ANO6: variants seen among roughly 807,000 people sequenced by gnomAD.
The protein encoded by ANO6 is anoctamin 6.
Under a neutral mutation model 117.5 loss-of-function variants are expected in ANO6, and 106 were observed. That is an observed-to-expected ratio of 0.90 (90% CI 0.77 to 1.06). The LOEUF (loss-of-function observed/expected upper bound fraction) is 1.06. Ranked by LOEUF, ANO6 falls within the 50% of genes least tolerant of loss-of-function variation. The probability of loss-of-function intolerance (pLI) is 0.00; values close to 1 mark genes in which losing one functional copy is unlikely to be tolerated. For synonymous variants in ANO6, 367 were observed against 385.1 expected, an observed-to-expected ratio of 0.95 and a Z score of 0.55; for missense variants, 955 against 1,121.1, an observed-to-expected ratio of 0.85 and a Z score of 2.12.
intron 8 of ANO6, among the ~76,000 whole-genome samples, chr12:45,358,889 AG>A (rs1941481039): frequency 6.6e-6 from 1 of 151,476 alleles, no homozygotes; most frequent in South Asian, 2.1e-4. Flanking sequence ...GGTCCAAGCG[AG>A]TCTCCTGCCT....
At chr12:45,304,423 A>G (rs1273097760) in intron 2 of ANO6, among the ~76,000 whole-genome samples, 2 of 152,220 alleles carry the variant, frequency 1.3e-5, no homozygotes, top group Non-Finnish European at 2.9e-5. Context: ...GAGAGCAGAA[A>G]GAACCCAAAG....
At chr12:45,335,052 T>G (rs1414296246) in intron 3 of ANO6, among the ~76,000 whole-genome samples, 3 of 151,904 alleles carry the variant, frequency 2.0e-5, no homozygotes, top group East Asian at 3.9e-4. Flanking sequence ...TGAATATGAT[T>G]TATTTATTTA....
In ANO6 at chr12:45,331,293, A is replaced by G. The variant is rs757374418; in HGVS notation, c.151-2A>G. 2 of 1,606,700 alleles carry G rather than the reference A, an allele frequency of 1.2e-6. No individual in the cohort carries two copies. The highest frequency in any genetic ancestry group is 1.7e-6 in the Non-Finnish European group (2 of 1,176,246). On this transcript the variant is annotated splice_acceptor_variant, in intron 2 of 19. Transcript: ENST00000320560. LOFTEE classifies it high-confidence loss of function. ...TACAATTTGTTTTTCTGTTTTACACAGGAAGAATTTAATGGAAAACCTGAC... is the reference window on the plus strand; with the variant it reads ...TACAATTTGTTTTTCTGTTTTACACGGGAAGAATTTAATGGAAAACCTGAC...
chr12:45,241,709 A>G (rs905336987), intron 1 of ANO6, among the ~76,000 whole-genome samples: 2 of 152,010 alleles, frequency 1.3e-5, no homozygotes, highest in Non-Finnish European at 2.9e-5. Flanking sequence ...TTGGTCTTTG[A>G]TGTTGGTGAC....
intron 1 of ANO6, chr12:45,228,223 C>G: frequency 2.2e-6 from 1 of 446,540 alleles, no homozygotes; most frequent in Non-Finnish European, 4.5e-6. Flanking sequence ...CATTGACTCC[C>G]AGACTCAATT....
intron 2 of ANO6, among the ~76,000 whole-genome samples, chr12:45,317,229 G>C (rs77784044): frequency 1.4e-5 from 2 of 145,906 alleles, no homozygotes; most frequent in Admixed American, 6.9e-5. Flanking sequence ...CCAGTAACTC[G>C]TAATTTATAT....
chr12:45,239,304 C>G (rs1024063529), intron 1 of ANO6, among the ~76,000 whole-genome samples: 1 of 152,158 alleles, frequency 6.6e-6, no homozygotes, highest in African/African-American at 2.4e-5. Flanking sequence ...TCCATTTCTT[C>G]TAGATTTTCT....
At chr12:45,328,122 C>T (rs1051534226) in intron 2 of ANO6, among the ~76,000 whole-genome samples, 25 of 152,102 alleles carry the variant, frequency 1.6e-4, no homozygotes, top group African/African-American at 6.0e-4. Flanking sequence ...GCATTTTCAT[C>T]CTTGAATGGG....
chr12:45,223,993 C>G (rs1004935966), intron 1 of ANO6, among the ~76,000 whole-genome samples: 3 of 152,174 alleles, frequency 2.0e-5, no homozygotes, highest in Non-Finnish European at 4.4e-5. Flanking sequence ...TGAGATACCC[C>G]CAGTTATCTG....
chr12:45,296,219 A>T (rs905125055), intron 1 of ANO6, among the ~76,000 whole-genome samples: 1 of 152,220 alleles, frequency 6.6e-6, no homozygotes, highest in African/African-American at 2.4e-5. Context: ...GGTACAAGAC[A>T]GCGTGGCAGA....
chr12:45,434,460 A>G (rs1943685061), downstream of ANO6, among the ~76,000 whole-genome samples: 1 of 152,174 alleles, frequency 6.6e-6, no homozygotes, highest in African/African-American at 2.4e-5. Context: ...TTTAAATCAA[A>G]TCAAATTTTA....
At chr12:45,252,467 T>C (rs1359947424) in intron 1 of ANO6, among the ~76,000 whole-genome samples, 1 of 152,224 alleles carries the variant, frequency 6.6e-6, no homozygotes, top group Non-Finnish European at 1.5e-5. Flanking sequence ...AATCATTTTT[T>C]TAAAAGTCTA....
At chr12:45,379,258 A>C (rs1041019385) in intron 10 of ANO6, among the ~76,000 whole-genome samples, 6 of 152,228 alleles carry the variant, frequency 3.9e-5, no homozygotes, top group Non-Finnish European at 8.8e-5. Flanking sequence ...TTTGGTAGTG[A>C]TTGTGCCTAT....
chr12:45,323,700 C>T (rs1305152803), intron 2 of ANO6, among the ~76,000 whole-genome samples: 1 of 152,136 alleles, frequency 6.6e-6, no homozygotes, highest in Non-Finnish European at 1.5e-5. Context: ...CACAAAGGCA[C>T]ATGGCTAGTT....
chr12:45,390,582 T>C, intron 12 of ANO6, 84 bp downstream of exon 12: 1 of 1,191,934 alleles, frequency 8.4e-7, no homozygotes, highest in South Asian at 1.2e-5. Context: ...TTTTAAATGT[T>C]GAGGAAACTA....
chr12:45,304,857 A>C (rs1474210222), intron 2 of ANO6, among the ~76,000 whole-genome samples: 1 of 152,200 alleles, frequency 6.6e-6, no homozygotes, highest in African/African-American at 2.4e-5. Flanking sequence ...AGGTAAAGCC[A>C]GCACTGCTGT....
intron 9 of ANO6, among the ~76,000 whole-genome samples, chr12:45,368,356 T>G (rs1941737228): frequency 6.6e-6 from 1 of 152,234 alleles, no homozygotes; most frequent in Admixed American, 6.5e-5. Context: ...CTGAAATCTG[T>G]ACTTCTGTTT....
At chr12:45,316,256 A>G (rs569165337) in intron 2 of ANO6, among the ~76,000 whole-genome samples, 43 of 152,236 alleles carry the variant, frequency 2.8e-4, no homozygotes, top group African/African-American at 9.1e-4. Flanking sequence ...TTTGAGGCAT[A>G]TATTCCAATG....
At chr12:45,282,422 G>C (rs978152549) in intron 1 of ANO6, among the ~76,000 whole-genome samples, 1 of 152,186 alleles carries the variant, frequency 6.6e-6, no homozygotes, top group Non-Finnish European at 1.5e-5. Flanking sequence ...GGCACCAATG[G>C]AGGAAATCAG....
Sources: gnomAD v4.1 joint callset for allele counts (sites outside exome capture counted in the v4.1 genomes callset) on GRCh38, gnomAD v4.1.1 for gene constraint, MANE v1.5 for transcripts, NCBI Gene and HGNC (gene_info 2026-07-23, HGNC 2026-07-21) for gene names.